OCLN: variants seen among roughly 807,000 people sequenced by gnomAD.
OCLN encodes occludin, also known as phosphatase 1, regulatory subunit 115.
Under a neutral mutation model 47.9 loss-of-function variants are expected in OCLN, and 21 were observed. The observed-to-expected ratio is 0.44, with a 90% CI of 0.31 to 0.63. The LOEUF is 0.63. OCLN is among the 30% of genes least tolerant of loss of function. The pLI is 0.08. For missense variants in OCLN, 360 were observed against 571.0 expected, an observed-to-expected ratio of 0.63 and a Z score of 3.77; for synonymous variants, 117 against 198.4, an observed-to-expected ratio of 0.59 and a Z score of 3.45.
Position 69,496,589 on chromosome 5 carries a change from G to A in OCLN, c.-69+3689G>A, listed in dbSNP as rs28398247. On this transcript the variant is annotated intron_variant, in intron 1 of 8. Coordinates refer to ENST00000396442, the MANE Select transcript of OCLN (RefSeq NM_001205254.2). ...TTTTTTTTTTTTTTTTTTTAAGATA[G>A]ATAACGGAGTCTTACTCTGTTGCCC... Among the ~76,000 whole-genome samples the A allele has an allele frequency of 2.9e-3, 352 of 120,528 alleles. 2 individuals carry two copies. The highest frequency in any genetic ancestry group is 0.012 in the African/African-American group (332 of 28,810). The allele number at this position is 120,528 out of a possible 152,430, so 79.1% of individuals were successfully genotyped here. A position where few individuals can be genotyped will look rare whatever the true frequency, so the allele number is the denominator to read the frequency against.
chr5:69,501,136 C>T (rs925336467), intron 1 of OCLN, among the ~76,000 whole-genome samples: 5 of 151,868 alleles, frequency 3.3e-5, no homozygotes, highest in East Asian at 2.0e-4. Context: ...AGGCTGGTCT[C>T]GAACTCCTGA....
intron 3 of OCLN, among the ~76,000 whole-genome samples, chr5:69,512,679 C>T (rs888347905): frequency 4.6e-5 from 7 of 152,106 alleles, no homozygotes; most frequent in African/African-American, 9.7e-5. Context: ...GATTCATGAA[C>T]GTAAGATTCT....
At position 69,504,296 on chromosome 5, in the gene OCLN, T is replaced by C. The variant is rs1580547828; in HGVS notation, c.50+2T>C. The C allele has an allele frequency of 6.4e-7, 1 of 1,558,954 alleles. No homozygotes were observed. Among genetic ancestry groups the C allele is most frequent in the Admixed American group, 1.7e-5 (1 of 59,864 alleles). On this transcript the variant is annotated splice_donor_variant, in intron 2 of 8. Coordinates refer to ENST00000396442, the MANE Select transcript of OCLN (RefSeq NM_001205254.2). LOFTEE classifies it high-confidence loss of function. ...ACCTCCTTACAGGCCTGATGAATTG[T>C]AAGTAAATAATTCTTTAGTTATTCT...
chr5:69,514,929 T>G (rs1243440772), intron 4 of OCLN, among the ~76,000 whole-genome samples: 1 of 152,260 alleles, frequency 6.6e-6, no homozygotes, highest in Non-Finnish European at 1.5e-5. Flanking sequence ...TACCACTTTC[T>G]ACACAGACAT....
At chr5:69,494,474 C>A (rs1204570823) in intron 1 of OCLN, among the ~76,000 whole-genome samples, 2 of 152,222 alleles carry the variant, frequency 1.3e-5, no homozygotes, top group African/African-American at 2.4e-5. Flanking sequence ...GCGTAAGCCA[C>A]CACACCCAGC....
chr5:69,532,175 G>T (rs749081479), intron 4 of OCLN, among the ~76,000 whole-genome samples: 3 of 151,628 alleles, frequency 2.0e-5, no homozygotes, highest in African/African-American at 4.9e-5. Flanking sequence ...GAAAACTAAG[G>T]CTTTATAGAA....
At chr5:69,508,874 G>A (rs759649912) in intron 2 of OCLN, among the ~76,000 whole-genome samples, 2 of 152,116 alleles carry the variant, frequency 1.3e-5, no homozygotes, top group African/African-American at 4.8e-5. Flanking sequence ...AATAAGTACT[G>A]TTCCGTACCA....
At chr5:69,501,912 G>T (rs776937013) in intron 1 of OCLN, among the ~76,000 whole-genome samples, 1 of 151,854 alleles carries the variant, frequency 6.6e-6, no homozygotes, top group Non-Finnish European at 1.5e-5. Flanking sequence ...GAAGAGAGTT[G>T]CCAGGTGGGG....
At chr5:69,508,874 G>T (rs759649912) in intron 2 of OCLN, among the ~76,000 whole-genome samples, 3 of 152,116 alleles carry the variant, frequency 2.0e-5, no homozygotes, top group Non-Finnish European at 2.9e-5. Flanking sequence ...AATAAGTACT[G>T]TTCCGTACCA....
chr5:69,507,670 G>T (rs186595944), intron 2 of OCLN, among the ~76,000 whole-genome samples: 91 of 151,646 alleles, frequency 6.0e-4, no homozygotes, highest in African/African-American at 2.1e-3. Context: ...CAATGGCACG[G>T]TCTCGGCTTA....
chr5:69,496,551 T>C (rs1768297647), intron 1 of OCLN, among the ~76,000 whole-genome samples: 1 of 150,940 alleles, frequency 6.6e-6, no homozygotes, highest in Non-Finnish European at 1.5e-5. Context: ...CTATTTTTTC[T>C]TTTTTTATAC....
chr5:69,508,495 C>T (rs1390878438), intron 2 of OCLN, among the ~76,000 whole-genome samples: 1 of 152,068 alleles, frequency 6.6e-6, no homozygotes, highest in Non-Finnish European at 1.5e-5. Flanking sequence ...CGCATGCCAC[C>T]ACGTCTGGCT....
Position 69,553,752 on chromosome 5 carries a change from T to C in OCLN, c.*81T>C. 3 of 1,590,426 alleles carry C rather than the reference T, an allele frequency of 1.9e-6. No homozygotes were observed. The highest frequency in any genetic ancestry group is 2.6e-6 in the Non-Finnish European group (3 of 1,161,768). ...TCAGAAGGCAAATGACTTTGGACCA[T>C]AACCCCGGAAGCCAAACCTCTGTGA... On this transcript the variant is annotated 3_prime_UTR_variant, in exon 9 of 9. Coordinates refer to ENST00000396442, the MANE Select transcript of OCLN (RefSeq NM_001205254.2).
intron 4 of OCLN, among the ~76,000 whole-genome samples, chr5:69,515,324 A>G: frequency 7.8e-6 from 1 of 128,648 alleles, no homozygotes; most frequent in African/African-American, 2.9e-5. Flanking sequence ...CTGGCCGGGC[A>G]GAGGGGCTCC....
intron 1 of OCLN, among the ~76,000 whole-genome samples, chr5:69,496,734 T>G (rs1768305447): frequency 6.6e-6 from 1 of 152,064 alleles, no homozygotes; most frequent in Admixed American, 6.6e-5. Flanking sequence ...CTTAGCTTAG[T>G]TTTCCATTAA....
At position 69,536,916 on chromosome 5, in the gene OCLN, C is replaced by T. The variant is rs891448076; in HGVS notation, c.1037+2077C>T. Among the ~76,000 whole-genome samples the T allele has an allele frequency of 1.4e-3, 215 of 150,778 alleles. 2 individuals are homozygous for T. The Middle Eastern group carries it at 0.017, about 12-fold the overall frequency. ...CCGGGAGGTGGAGCTCCCAGTGAGC[C>T]GAGATCGCGCCACTGCACTCTAGCC... On this transcript the variant is annotated intron_variant, in intron 5 of 8. Transcript: ENST00000396442.
chr5:69,505,107 G>A (rs925734027), intron 2 of OCLN, among the ~76,000 whole-genome samples: 2 of 151,802 alleles, frequency 1.3e-5, no homozygotes, highest in Admixed American at 6.6e-5. Context: ...AAAATTAGCC[G>A]GGCATGGTGA....
chr5:69,528,688 G>T (rs1769348514), intron 4 of OCLN, among the ~76,000 whole-genome samples: 1 of 152,172 alleles, frequency 6.6e-6, no homozygotes, highest in Non-Finnish European at 1.5e-5. Flanking sequence ...CTGTGACTTT[G>T]AGCAAGTTAA....
intron 1 of OCLN, among the ~76,000 whole-genome samples, chr5:69,495,433 CT>C (rs1768263243): frequency 6.6e-6 from 1 of 152,146 alleles, no homozygotes; most frequent in Non-Finnish European, 1.5e-5. Flanking sequence ...TCAGACTGTT[CT>C]GTCTTCTTTT....
Sources: allele counts gnomAD v4.1 joint callset (sites outside exome capture counted in the v4.1 genomes callset), GRCh38; gene constraint gnomAD v4.1.1; transcripts MANE v1.5; gene names NCBI Gene and HGNC (gene_info 2026-07-23, HGNC 2026-07-21).